Variants in MAP2 observed in about 807,000 individuals in gnomAD.
The protein encoded by MAP2 is microtubule-associated protein 2.
A neutral mutation model predicts 137.6 loss-of-function variants in MAP2; 14 were observed. That is an observed-to-expected ratio of 0.10 (90% CI 0.07 to 0.16). MAP2 has a LOEUF of 0.16. Ranked by LOEUF, MAP2 falls within the 10% of genes least tolerant of loss-of-function variation. The pLI is 1.00. For missense variants in MAP2, 2,088 were observed against 2,191.5 expected (o/e 0.95, Z 0.94); for synonymous variants, 786 against 782.3 (o/e 1.00, Z -0.08).
chr2:209,519,473 C>T (rs1229849201), intron 2 of MAP2, among the ~76,000 whole-genome samples: 1 of 152,030 alleles, frequency 6.6e-6, no homozygotes, highest in East Asian at 1.9e-4. Flanking sequence ...CCCATAGGAA[C>T]TGGGAGATAG....
chr2:209,627,640 G>A (rs1207811853), intron 4 of MAP2, among the ~76,000 whole-genome samples: 1 of 152,048 alleles, frequency 6.6e-6, no homozygotes, highest in Non-Finnish European at 1.5e-5. Context: ...AACCTAATCT[G>A]TTTGTCACAT....
chr2:209,542,097 C>G (rs534053072), intron 2 of MAP2, among the ~76,000 whole-genome samples: 20 of 152,338 alleles, frequency 1.3e-4, no homozygotes, highest in Non-Finnish European at 2.8e-4. Context: ...AAAATTACTC[C>G]TTGGTCCATG....
intron 4 of MAP2, among the ~76,000 whole-genome samples, chr2:209,643,277 A>G (rs1271708595): frequency 6.6e-6 from 1 of 152,192 alleles, no homozygotes; most frequent in East Asian, 1.9e-4. Flanking sequence ...CTGCCTGGTA[A>G]TAACTATCAT....
intron 14 of MAP2, 147 bp from the exon 15 acceptor site, chr2:209,729,703 A>G (rs1444396242): frequency 3.0e-5 from 18 of 598,352 alleles, no homozygotes; most frequent in Non-Finnish European, 4.5e-5. Context: ...TAGAAATTCT[A>G]AAAGACTCTT....
At chr2:209,582,999 C>T (rs2076835233) in intron 3 of MAP2, among the ~76,000 whole-genome samples, 1 of 152,046 alleles carries the variant, frequency 6.6e-6, no homozygotes, top group Non-Finnish European at 1.5e-5. Context: ...AATTTTACCA[C>T]ATTTTTTTCT....
At chr2:209,654,871 C>A (rs2095041098) in intron 5 of MAP2, among the ~76,000 whole-genome samples, 1 of 152,004 alleles carries the variant, frequency 6.6e-6, no homozygotes, top group African/African-American at 2.4e-5. Context: ...TGAATAAATT[C>A]AAAAAGAAGA....
chr2:209,634,793 G>A (rs2093413048), intron 4 of MAP2, among the ~76,000 whole-genome samples: 2 of 152,130 alleles, frequency 1.3e-5, no homozygotes, highest in Admixed American at 1.3e-4. Flanking sequence ...AGATAAGAGT[G>A]TGGATTGTAA....
chr2:209,452,722 G>T (rs1277222576), intron 1 of MAP2, among the ~76,000 whole-genome samples: 2 of 152,082 alleles, frequency 1.3e-5, no homozygotes, highest in East Asian at 3.9e-4. Context: ...TCAGTTTTTA[G>T]CCTGCATACA....
chr2:209,725,882 G>T, intron 14 of MAP2, 92 bp downstream of exon 14: 1 of 676,194 alleles, frequency 1.5e-6, no homozygotes, highest in Non-Finnish European at 2.4e-6. Context: ...ATACCTAATT[G>T]GAAGGATGTT....
At chr2:209,598,832 T>C (rs1212802613) in intron 3 of MAP2, among the ~76,000 whole-genome samples, 1 of 150,978 alleles carries the variant, frequency 6.6e-6, no homozygotes, top group Admixed American at 6.6e-5. Flanking sequence ...CACATTTTCT[T>C]AATCCAGTCT....
intron 1 of MAP2, among the ~76,000 whole-genome samples, chr2:209,455,669 G>T (rs1423353846): frequency 6.6e-6 from 1 of 152,102 alleles, no homozygotes; most frequent in Admixed American, 6.5e-5. Context: ...ATGTAGAGCT[G>T]GATGACTCTG....
At chr2:209,692,604 A>C (rs776559308) in intron 7 of MAP2, 21 bp from the exon 8 acceptor site, 2 of 1,532,598 alleles carry the variant, frequency 1.3e-6, no homozygotes, top group East Asian at 4.6e-5. Context: ...ATTTGTTTAA[A>C]AATCAACCCG....
chr2:209,606,608 T>A (rs1413210104), intron 3 of MAP2, among the ~76,000 whole-genome samples: 1 of 152,144 alleles, frequency 6.6e-6, no homozygotes, highest in African/African-American at 2.4e-5. Flanking sequence ...CCTAGGTAAT[T>A]AACATCTCTC....
chr2:209,454,683 G>A (rs1236451302), intron 1 of MAP2, among the ~76,000 whole-genome samples: 1 of 152,098 alleles, frequency 6.6e-6, no homozygotes, highest in Admixed American at 6.5e-5. Flanking sequence ...CAAACTAAAA[G>A]AGTCTTTTAA....
intron 4 of MAP2, among the ~76,000 whole-genome samples, chr2:209,635,506 A>C (rs1346669102): frequency 6.6e-6 from 1 of 152,146 alleles, no homozygotes; most frequent in Non-Finnish European, 1.5e-5. Context: ...TATAGTCCTG[A>C]CGTGATATTT....
In MAP2 at chr2:209,699,345, A is replaced by T. The variant is rs962602792; in HGVS notation, c.4523-932A>T. On this transcript the variant is annotated intron_variant, in intron 10 of 15. Transcript: ENST00000682079. ...TTATTCAGAGGGCTTATAAGGATAC[A>T]TTTTTTTTCTGAGGGTTTCTATTTT... 5.9e-5 allele frequency among the ~76,000 whole-genome samples: 9 copies of T among 151,920 alleles called. No individual in the cohort carries two copies. The South Asian group carries it at 1.0e-3, about 18-fold the overall frequency.
chr2:209,641,273 G>T (rs1244657210), intron 4 of MAP2, among the ~76,000 whole-genome samples: 1 of 152,080 alleles, frequency 6.6e-6, no homozygotes, highest in African/African-American at 2.4e-5. Context: ...AGTGAACCTG[G>T]ACCAAGTCTG....
At chr2:209,584,854 A>C (rs1263958375) in intron 3 of MAP2, among the ~76,000 whole-genome samples, 1 of 152,160 alleles carries the variant, frequency 6.6e-6, no homozygotes, top group African/African-American at 2.4e-5. Flanking sequence ...AGAAGGACTC[A>C]AAGGTGACTC....
chr2:209,677,403 T>TAGATAGATAGAC (rs148418603), intron 5 of MAP2, among the ~76,000 whole-genome samples: 8 of 146,340 alleles, frequency 5.5e-5, no homozygotes, highest in African/African-American at 1.0e-4. Flanking sequence ...GATAGATAGA[T>TAGATAGATAGAC]AGACAGACAG....
Sources: gnomAD v4.1 joint callset for allele counts (sites outside exome capture counted in the v4.1 genomes callset) on GRCh38, gnomAD v4.1.1 for gene constraint, MANE v1.5 for transcripts, NCBI Gene and HGNC (gene_info 2026-07-23, HGNC 2026-07-21) for gene names.